The following LIMS4 variants were observed in gnomAD, a reference collection of about 807,000 sequenced individuals.
LIMS4 encodes the protein LIM zinc finger domain containing 4, also known as LIM and senescent cell antigen-like-containing domain protein 4.
chr2:110,366,352 C>T, the LIMS4 span, among the ~76,000 whole-genome samples: 1 of 152,210 alleles, frequency 6.6e-6, no homozygotes, highest in Admixed American at 6.5e-5. Context: ...CATAATCAAG[C>T]AGGGTTTATG....
chr2:110,360,795 C>A, the LIMS4 span: 1 of 1,524,714 alleles, frequency 6.6e-7, no homozygotes, highest in South Asian at 1.2e-5. Context: ...CTTCCCCAGC[C>A]CCGTTTTGCT....
chr2:110,411,478 G>A, the LIMS4 span, among the ~76,000 whole-genome samples: 1 of 136,860 alleles, frequency 7.3e-6, no homozygotes, highest in Non-Finnish European at 1.5e-5. Flanking sequence ...AAAATTGCTG[G>A]CAAAGATCTT....
At chr2:110,442,509 TC>T (rs1269401507), downstream of LIMS4, among the ~76,000 whole-genome samples, 1 of 84,386 alleles carries the variant, frequency 1.2e-5, no homozygotes, top group Non-Finnish European at 2.2e-5. Flanking sequence ...CTCCGCCCTT[TC>T]CCCTTTCTCC....
the LIMS4 span, among the ~76,000 whole-genome samples, chr2:110,401,744 GC>G: frequency 1.7e-5 from 1 of 59,084 alleles, no homozygotes. Context: ...TGAGTGGCTT[GC>G]CGCCCACAGG....
At chr2:110,391,735 GGCTGCCT>G in the LIMS4 span, among the ~76,000 whole-genome samples, 1 of 72,870 alleles carries the variant, frequency 1.4e-5, no homozygotes, top group Non-Finnish European at 2.8e-5. Context: ...CCATTAGTGA[GGCTGCCT>G]ACTACATAGG....
chr2:110,366,004 T>C, the LIMS4 span, among the ~76,000 whole-genome samples: 1 of 151,250 alleles, frequency 6.6e-6, no homozygotes, highest in African/African-American at 2.5e-5. Flanking sequence ...AGACTAATAA[T>C]GAGTTTTGAA....
chr2:110,392,140 A>G, the LIMS4 span, among the ~76,000 whole-genome samples: 1 of 152,090 alleles, frequency 6.6e-6, no homozygotes, highest in Non-Finnish European at 1.5e-5. Context: ...CCAGAAAATT[A>G]GAAAAAGACT....
At chr2:110,392,177 A>C in the LIMS4 span, among the ~76,000 whole-genome samples, 2 of 151,962 alleles carry the variant, frequency 1.3e-5, no homozygotes. Flanking sequence ...ACCTCCAAAC[A>C]TGTGGTTTTA....
the LIMS4 span, chr2:110,397,476 A>G: frequency 7.6e-6 from 1 of 131,290 alleles, no homozygotes; most frequent in East Asian, 2.3e-4. Context: ...ATGATAATGT[A>G]GATTATAAAG....
At chr2:110,373,687 C>T in the LIMS4 span, among the ~76,000 whole-genome samples, 2 of 151,320 alleles carry the variant, frequency 1.3e-5, no homozygotes, top group East Asian at 3.8e-4. Context: ...GGAGGCTAGT[C>T]CCTTGCTCTC....
chr2:110,425,298 T>G, the LIMS4 span, among the ~76,000 whole-genome samples: 1 of 142,464 alleles, frequency 7.0e-6, no homozygotes, highest in African/African-American at 2.9e-5. Flanking sequence ...AAGGATGGCT[T>G]GAGCTTAGGA....
At chr2:110,365,955 T>C in the LIMS4 span, among the ~76,000 whole-genome samples, 2 of 150,802 alleles carry the variant, frequency 1.3e-5, no homozygotes, top group Admixed American at 6.6e-5. Context: ...AAAACACAAC[T>C]CCCCAAAATT....
the LIMS4 span, among the ~76,000 whole-genome samples, chr2:110,424,981 C>T: frequency 2.8e-5 from 4 of 144,106 alleles, no homozygotes; most frequent in Admixed American, 6.8e-5. Flanking sequence ...CCACCCCAGC[C>T]GGCAGCGACA....
chr2:110,442,598 A>G (rs1688156358), downstream of LIMS4, among the ~76,000 whole-genome samples: 1 of 142,750 alleles, frequency 7.0e-6, no homozygotes, highest in Non-Finnish European at 1.5e-5. Flanking sequence ...CAGATGCCCT[A>G]CAATCACCCA....
At chr2:110,397,397 A>G in the LIMS4 span, 4 of 147,588 alleles carry the variant, frequency 2.7e-5, 1 homozygote, top group African/African-American at 1.0e-4. Context: ...CACACACAGT[A>G]TGTGAAAATG....
At chr2:110,418,560 C>T in the LIMS4 span, among the ~76,000 whole-genome samples, 1 of 32,682 alleles carries the variant, frequency 3.1e-5, no homozygotes, top group South Asian at 1.7e-3. Context: ...TTTTAAAGTT[C>T]ACAAATGATT....
chr2:110,367,666 A>G, the LIMS4 span, among the ~76,000 whole-genome samples: 1 of 146,108 alleles, frequency 6.8e-6, no homozygotes, highest in East Asian at 2.0e-4. Context: ...CACCTGAGCT[A>G]AGGAGTTCAA....
the LIMS4 span, among the ~76,000 whole-genome samples, chr2:110,369,147 T>G: frequency 1.1e-5 from 1 of 94,686 alleles, no homozygotes; most frequent in African/African-American, 4.9e-5. Flanking sequence ...GATTCTGAAA[T>G]AATAAATAAA....
chr2:110,366,922 G>A, the LIMS4 span, among the ~76,000 whole-genome samples: 1 of 147,996 alleles, frequency 6.8e-6, no homozygotes, highest in Non-Finnish European at 1.5e-5. Flanking sequence ...GCCAAATCAA[G>A]AATGCCATTT....
Sources: gnomAD v4.1 joint callset for allele counts (sites outside exome capture counted in the v4.1 genomes callset) on GRCh38, gnomAD v4.1.1 for gene constraint, MANE v1.5 for transcripts, NCBI Gene and HGNC (gene_info 2026-07-23, HGNC 2026-07-21) for gene names.